The following KALRN variants were observed in gnomAD, a reference collection of about 807,000 sequenced individuals.
KALRN encodes the protein kalirin.
In KALRN, 70 loss-of-function variants were observed where a neutral mutation model predicts 353.7. That is an observed-to-expected ratio of 0.20 (90% CI 0.16 to 0.24). The LOEUF (loss-of-function observed/expected upper bound fraction) is 0.24, where lower values mean the gene tolerates loss of function less well. Ranked by LOEUF, KALRN falls within the 10% of genes least tolerant of loss-of-function variation. The pLI is 1.00. For missense variants in KALRN, 2,791 were observed against 3,756.7 expected, an observed-to-expected ratio of 0.74 and a Z score of 6.72; for synonymous variants, 1,391 against 1,434.8, an observed-to-expected ratio of 0.97 and a Z score of 0.69.
At chr3:124,648,297 A>G (rs2083002435) in intron 37 of KALRN, among the ~76,000 whole-genome samples, 1 of 152,242 alleles carries the variant, frequency 6.6e-6, no homozygotes, top group Non-Finnish European at 1.5e-5. Context: ...CACTGTTGCC[A>G]TCCCAGAGAG....
At chr3:124,400,858 A>G (rs771311419) in intron 13 of KALRN, among the ~76,000 whole-genome samples, 6 of 152,100 alleles carry the variant, frequency 3.9e-5, no homozygotes, top group Non-Finnish European at 8.8e-5. Flanking sequence ...TGTACTTCTT[A>G]TTTACTCTCC....
At chr3:124,609,365 C>T (rs2077686299) in intron 34 of KALRN, among the ~76,000 whole-genome samples, 2 of 152,176 alleles carry the variant, frequency 1.3e-5, no homozygotes, top group African/African-American at 4.8e-5. Context: ...TAAATCCCCT[C>T]TTCCATGTGA....
intron 10 of KALRN, among the ~76,000 whole-genome samples, chr3:124,351,636 AC>A (rs2082845838): frequency 6.6e-6 from 1 of 151,968 alleles, no homozygotes; most frequent in African/African-American, 2.4e-5. Context: ...ATACATTTCC[AC>A]CCTAGGGATA....
chr3:124,412,743 A>G (rs575564000), intron 13 of KALRN, among the ~76,000 whole-genome samples: 8 of 152,242 alleles, frequency 5.3e-5, no homozygotes, highest in African/African-American at 1.7e-4. Context: ...CTTTCAATTG[A>G]TTAAATCTGC....
chr3:124,434,091 G>A (rs1252534179), intron 16 of KALRN, among the ~76,000 whole-genome samples: 1 of 152,180 alleles, frequency 6.6e-6, no homozygotes, highest in Non-Finnish European at 1.5e-5. Context: ...GGGGACAGGA[G>A]TTAGGGTCGT....
intron 53 of KALRN, among the ~76,000 whole-genome samples, chr3:124,695,749 T>A (rs1578996686): frequency 6.6e-6 from 1 of 152,176 alleles, no homozygotes; most frequent in African/African-American, 2.4e-5. Context: ...CTTTTTTTTT[T>A]TCCATCATTC....
At chr3:124,672,668 C>T (rs1448820923) in intron 48 of KALRN, among the ~76,000 whole-genome samples, 4 of 152,168 alleles carry the variant, frequency 2.6e-5, no homozygotes, top group Admixed American at 2.0e-4. Flanking sequence ...AAAGACTCAA[C>T]CATAGACTTA....
chr3:124,067,536 A>G (rs1308090231), intron 1 of KALRN, among the ~76,000 whole-genome samples: 1 of 152,176 alleles, frequency 6.6e-6, no homozygotes, highest in African/African-American at 2.4e-5. Context: ...AAAAAACCAC[A>G]AGAGAAAAGA....
intron 1 of KALRN, among the ~76,000 whole-genome samples, chr3:124,171,701 AC>A (rs1157251922): frequency 6.6e-6 from 1 of 152,150 alleles, no homozygotes. Context: ...TAAACAACCT[AC>A]CACAGAAGGA....
At chr3:124,165,913 G>A (rs1342495886) in intron 1 of KALRN, among the ~76,000 whole-genome samples, 1 of 151,936 alleles carries the variant, frequency 6.6e-6, no homozygotes, top group Non-Finnish European at 1.5e-5. Flanking sequence ...ACCACTTCCT[G>A]CTTGTTCACT....
intron 32 of KALRN, among the ~76,000 whole-genome samples, chr3:124,494,912 C>T (rs2063540476): frequency 6.6e-6 from 1 of 152,174 alleles, no homozygotes; most frequent in Admixed American, 6.5e-5. Context: ...TTTATAAAAG[C>T]CCCCTGGGGA....
chr3:124,390,432 A>G (rs930076436), intron 11 of KALRN, among the ~76,000 whole-genome samples: 10 of 152,240 alleles, frequency 6.6e-5, no homozygotes, highest in African/African-American at 2.4e-4. Flanking sequence ...AGGTACAAAC[A>G]TACCACAGAC....
chr3:124,357,323 G>A (rs879125781), intron 10 of KALRN, among the ~76,000 whole-genome samples: 3 of 152,052 alleles, frequency 2.0e-5, no homozygotes, highest in Non-Finnish European at 4.4e-5. Flanking sequence ...CTATCCTCAC[G>A]CTGCCACAAC....
At chr3:124,709,163 A>C (rs1289898427) in intron 57 of KALRN, among the ~76,000 whole-genome samples, 1 of 152,238 alleles carries the variant, frequency 6.6e-6, no homozygotes, top group Non-Finnish European at 1.5e-5. Flanking sequence ...GACTTCCAAA[A>C]ACTCTCATTA....
intron 51 of KALRN, among the ~76,000 whole-genome samples, chr3:124,683,419 T>G (rs1333702811): frequency 6.6e-6 from 1 of 152,188 alleles, no homozygotes; most frequent in Non-Finnish European, 1.5e-5. Flanking sequence ...CAATGCTCAC[T>G]TCTGTTTTTG....
At chr3:124,462,438 C>T (rs1427962978) in intron 24 of KALRN, 86 bp from the exon 25 acceptor site, 10 of 749,336 alleles carry the variant, frequency 1.3e-5, no homozygotes, top group Non-Finnish European at 2.1e-5. Context: ...GAGTCTTGCC[C>T]CACAAGTTTG....
At position 124,256,720 on chromosome 3, in the gene KALRN, C is replaced by A. The variant is rs185512485; in HGVS notation, c.264-7778C>A. Among the ~76,000 whole-genome samples the A allele has an allele frequency of 3.9e-4, 60 of 152,296 alleles. No homozygotes were observed. In the East Asian group the frequency reaches 0.012, roughly 29 times the overall value. ...GCCAGCCCAGTGGGTCAGGAGATGA[C>A]TCTGTGGGCATCAGGTGTGGGCAGG... On this transcript the variant is annotated intron_variant, in intron 3 of 59. Transcript: ENST00000682506.
chr3:124,080,833 A>G (rs1372279725), intron 1 of KALRN, among the ~76,000 whole-genome samples: 1 of 152,200 alleles, frequency 6.6e-6, no homozygotes, highest in Non-Finnish European at 1.5e-5. Context: ...ATCTATTATA[A>G]TATTAAGCCC....
Position 124,334,514 on chromosome 3 carries a change from C to A in KALRN, c.1647+19C>A. ...ACAGCAGGTAACAGGCTCTGAGCCC[C>A]GGTGTCCATTATCCATTCTAGGAGG... On this transcript the variant is annotated intron_variant, in intron 9 of 59. Transcript: ENST00000682506. This position sits in a 1 kb window ranked among gnomAD's most constrained non-coding sequence, Gnocchi z 4.2. 1 of 1,573,368 alleles carries A rather than the reference C, an allele frequency of 6.4e-7. No homozygotes were observed. The highest frequency in any genetic ancestry group is 2.3e-5 in the East Asian group (1 of 44,182).
Sources: gnomAD v4.1 joint callset for allele counts (sites outside exome capture counted in the v4.1 genomes callset) on GRCh38, gnomAD v4.1.1 for gene constraint, Gnocchi (gnomAD v3.1) non-coding constraint, MANE v1.5 for transcripts, NCBI Gene and HGNC (gene_info 2026-07-23, HGNC 2026-07-21) for gene names.